SH2B1: variants seen among roughly 807,000 people sequenced by gnomAD.
SH2B1 encodes the protein SH2B adaptor protein 1, also known as SH2B adapter protein 1.
In SH2B1, 15 loss-of-function variants were observed where a neutral mutation model predicts 62.6. That is an observed-to-expected ratio of 0.24 (90% CI 0.16 to 0.37). The LOEUF (loss-of-function observed/expected upper bound fraction) is 0.37, where lower values mean the gene tolerates loss of function less well. Ranked by LOEUF, SH2B1 falls within the 10% of genes least tolerant of loss-of-function variation. SH2B1 has a pLI of 1.00. For missense variants in SH2B1, 925 were observed against 1,015.6 expected (o/e 0.91, Z 1.21); for synonymous variants, 443 against 438.0 (o/e 1.01, Z -0.14).
rs746013064 is a variant in SH2B1, at chr16:28,872,485, C to T, written c.1726-49C>T. 6 of 1,581,774 alleles carry T rather than the reference C, an allele frequency of 3.8e-6. No homozygotes were observed. The highest frequency in any genetic ancestry group is 1.7e-5 in the Admixed American group (1 of 58,836). On this transcript the variant is annotated intron_variant, in intron 6 of 7. Transcript: ENST00000684370. The surrounding 1 kb of genome is among the most constrained non-coding windows in gnomAD (Gnocchi z 5.3). ...GCACTGCCGGGGGAGGGGGTTTGTACCTGGCAGGGCCTTTGCCTCCTACCT... is the reference window on the plus strand; with the variant it reads ...GCACTGCCGGGGGAGGGGGTTTGTATCTGGCAGGGCCTTTGCCTCCTACCT...
rs1180762335 is a variant in SH2B1 at position 28,872,159 on chromosome 16, C to T, written c.1514-31C>T. 1 of 1,596,190 alleles carries T rather than the reference C, an allele frequency of 6.3e-7. No individual in the cohort carries two copies. The highest frequency in any genetic ancestry group is 8.6e-7 in the Non-Finnish European group (1 of 1,167,902). On this transcript the variant is annotated intron_variant, in intron 5 of 7. Transcript: ENST00000684370. This position sits in a 1 kb window ranked among gnomAD's most constrained non-coding sequence, Gnocchi z 5.3. ...AGGATGGGGGAGGCTGCCCTGACAC[C>T]CCGGTTTCCCTCCCTCTCTCCTTCC...
rs1962577505 is a variant in SH2B1 at position 28,864,467 on chromosome 16, C to T, written c.-1628C>T. On this transcript the variant is annotated 5_prime_UTR_variant, in exon 1 of 8. Transcript: ENST00000684370. The stretch of plus-strand genomic sequence containing the variant: ...GGCTGGGTTCCCCCGTGCTCCATGA[C>T]TCCTGCATCTCCTGATTGTTTCTCG... 22 of 985,776 alleles carry T rather than the reference C, an allele frequency of 2.2e-5. No individual in the cohort carries two copies. Among genetic ancestry groups the T allele is most frequent in the Non-Finnish European group, 2.6e-5 (22 of 830,198 alleles). 61.1% of individuals were successfully genotyped at this position (985,776 alleles called of 1,614,324 possible).
chr16:28,872,908 G>GGCCGGA lies in SH2B1; in HGVS notation c.1897+209_1897+214dup, dbSNP rs932313933. ...GGACACAGGAAGGCAGAAGGCTCCT[G>GGCCGGA]GCCGGAGCCGGGGCGGCAGCTGAGA... On this transcript the variant is annotated intron_variant, in intron 7 of 7. Coordinates refer to ENST00000684370, the MANE Select transcript of SH2B1 (RefSeq NM_001387430.1). The surrounding 1 kb of genome is among the most constrained non-coding windows in gnomAD (Gnocchi z 5.3). The GGCCGGA allele has an allele frequency of 1.5e-5, 11 of 738,508 alleles. No individual in the cohort carries two copies. The highest frequency in any genetic ancestry group is 1.4e-4 in the African/African-American group (8 of 56,794). 45.7% of individuals were successfully genotyped at this position (738,508 alleles called of 1,614,324 possible). A position where few individuals can be genotyped will look rare whatever the true frequency, so the allele number is the denominator to read the frequency against.
rs1962621232 is a variant in SH2B1, at chr16:28,865,286, TCTC to T, written c.-806_-804del. ...AGAAGTGGGCTGTAGCTATTTCACA[TCTC>T]CTTCACGCAGTGCGTGGGTGCTGGA... On this transcript the variant is annotated 5_prime_UTR_variant, in exon 1 of 8. Coordinates refer to ENST00000684370, the MANE Select transcript of SH2B1 (RefSeq NM_001387430.1). 5 of 985,644 alleles carry T rather than the reference TCTC, an allele frequency of 5.1e-6. No homozygotes were observed. Among genetic ancestry groups the T allele is most frequent in the Non-Finnish European group, 6.0e-6 (5 of 829,974 alleles). The allele number at this position is 985,644 out of a possible 1,614,324, so 61.1% of individuals were successfully genotyped here. A position where few individuals can be genotyped will look rare whatever the true frequency, so the allele number is the denominator to read the frequency against.
At chr16:28,852,214 A>G in intron 1 of SH2B1, among the ~76,000 whole-genome samples, 1 of 72,668 alleles carries the variant, frequency 1.4e-5, no homozygotes, top group Non-Finnish European at 2.3e-5. Flanking sequence ...TTACATATAT[A>G]TATTTACATA....
In SH2B1 at chr16:28,873,362, T is replaced by C. The variant is rs1334662714; in HGVS notation, c.1898-85T>C. On this transcript the variant is annotated intron_variant, in intron 7 of 7. Transcript: ENST00000684370. The surrounding 1 kb of genome is among the most constrained non-coding windows in gnomAD (Gnocchi z 4.2). ...ATGGGATGTGGGGAGACAGCCACGC[T>C]CCTGGGGGGCTGAGTGAAGGGGAGG... 6.3e-7 allele frequency: 1 copy of C among 1,583,120 alleles called. No individual in the cohort carries two copies. The highest frequency in any genetic ancestry group is 8.5e-7 in the Non-Finnish European group (1 of 1,169,952).
At chr16:28,867,556 C>A (rs1962786123) in intron 2 of SH2B1, 124 bp downstream of exon 2, 1 of 708,202 alleles carries the variant, frequency 1.4e-6, no homozygotes, top group Admixed American at 2.2e-5. Flanking sequence ...GAGAGTGTGT[C>A]CCTGGGGCTG....
rs375992097 is a variant in SH2B1 at position 28,873,632 on chromosome 16, G to A, written c.2083G>A (p.Val695Met). Reference sequence around the variant, plus strand: ...AGGGGTCCCGGAAGAGCTGGTCCCCGTGGTTGAGCTGGTCCCCGTGGTTGA... The same window carrying A: ...AGGGGTCCCGGAAGAGCTGGTCCCCATGGTTGAGCTGGTCCCCGTGGTTGA... ...GGGVPEELVPVVELVPVVELE... is the reference protein window; with the variant it reads ...GGGVPEELVPMVELVPVVELE... The change falls in exon 8 of 8, where the codon GTG becomes ATG. Residue 695 changes from valine (V) to methionine (M), a missense_variant. By Grantham distance (21) the Val-to-Met change is conservative (BLOSUM62 1). Coordinates refer to ENST00000684370, the MANE Select transcript of SH2B1 (RefSeq NM_001387430.1). The surrounding 1 kb of genome is among the most constrained non-coding windows in gnomAD (Gnocchi z 4.2). The A allele has an allele frequency of 1.5e-4, 233 of 1,538,572 alleles. No homozygotes were observed. The highest frequency in any genetic ancestry group is 1.0e-3 in the Middle Eastern group (6 of 5,932).
Position 28,865,859 on chromosome 16 carries a change from T to C in SH2B1, c.-236T>C. 7 of 1,300,450 alleles carry C rather than the reference T, an allele frequency of 5.4e-6. No individual in the cohort carries two copies. Among genetic ancestry groups the C allele is most frequent in the Non-Finnish European group, 6.8e-6 (7 of 1,026,572 alleles). 80.6% of individuals were successfully genotyped at this position (1,300,450 alleles called of 1,614,324 possible). ...GGCTGGGGCCTGCAGGGTGCCAGGA[T>C]CTGGGAGAGGGAAGGGAGGTGTTGG... is the stretch of plus-strand genomic sequence containing the variant. On this transcript the variant is annotated 5_prime_UTR_variant, in exon 1 of 8. Transcript: ENST00000684370.
At position 28,865,571 on chromosome 16, in the gene SH2B1, T is replaced by G. The variant is rs1962639533; in HGVS notation, c.-524T>G. ...TAGACTTGGAGTTCTGAAACTTTTCTGAGCTTCGGTTTCCTCATCTGTTCG... is the reference window on the plus strand; with the variant it reads ...TAGACTTGGAGTTCTGAAACTTTTCGGAGCTTCGGTTTCCTCATCTGTTCG... On this transcript the variant is annotated 5_prime_UTR_variant, in exon 1 of 8. Coordinates refer to ENST00000684370, the MANE Select transcript of SH2B1 (RefSeq NM_001387430.1). 1 of 985,646 alleles carries G rather than the reference T, an allele frequency of 1.0e-6. No homozygotes were observed. Among genetic ancestry groups the G allele is most frequent in the African/African-American group, 1.7e-5 (1 of 57,256 alleles). 61.1% of individuals were successfully genotyped at this position (985,646 alleles called of 1,614,324 possible).
At chr16:28,854,014 A>C (rs1402027594) in intron 1 of SH2B1, among the ~76,000 whole-genome samples, 1 of 150,608 alleles carries the variant, frequency 6.6e-6, no homozygotes, top group Non-Finnish European at 1.5e-5. Context: ...AAAAAAAAAA[A>C]AAAAAAAAAA....
chr16:28,851,248 C>T (rs1025188810), intron 1 of SH2B1, among the ~76,000 whole-genome samples: 17 of 151,468 alleles, frequency 1.1e-4, no homozygotes, highest in Non-Finnish European at 2.2e-4. Flanking sequence ...TACATCTGAA[C>T]GTGGGGCACC....
intron 4 of SH2B1, among the ~76,000 whole-genome samples, chr16:28,870,633 CCTT>C (rs905339892): frequency 2.8e-4 from 42 of 149,684 alleles, no homozygotes; most frequent in South Asian, 2.7e-3. Context: ...ACAAAGGACA[CCTT>C]TTTTTTTTTG....
chr16:28,872,826 C>A lies in SH2B1; in HGVS notation c.1897+121C>A. Reference sequence around the variant, plus strand: ...CAAGGAGAAGCTTTGCTTGGGAGAGCAGGGTAGAGGAGGCTGTTGTGCCTC... The same window carrying A: ...CAAGGAGAAGCTTTGCTTGGGAGAGAAGGGTAGAGGAGGCTGTTGTGCCTC... On this transcript the variant is annotated intron_variant, in intron 7 of 7. Coordinates refer to ENST00000684370, the MANE Select transcript of SH2B1 (RefSeq NM_001387430.1). This position sits in a 1 kb window ranked among gnomAD's most constrained non-coding sequence, Gnocchi z 5.3. 2 of 1,326,698 alleles carry A rather than the reference C, an allele frequency of 1.5e-6. No homozygotes were observed. Among genetic ancestry groups the A allele is most frequent in the East Asian group, 2.5e-5 (1 of 40,250 alleles). The allele number at this position is 1,326,698 out of a possible 1,614,324, so 82.2% of individuals were successfully genotyped here. A position where few individuals can be genotyped will look rare whatever the true frequency, so the allele number is the denominator to read the frequency against.
rs201989715 is a variant in SH2B1, at chr16:28,867,000, A to G, written c.906A>G (p.Gly302=). 784 of 1,601,754 alleles carry G rather than the reference A, an allele frequency of 4.9e-4. 2 individuals carry two copies. The highest frequency in any genetic ancestry group is 6.5e-4 in the Non-Finnish European group (763 of 1,179,932). ...TTCGAAGTGAAGGAGAAGGAGGAGG[A>G]GGAAGTCGCCTGGAGTTCTTTGTAC... The part of the protein sequence containing the change: ...LLLRSEGEGG[G]GSRLEFFVPP... Residue 302 remains glycine, a synonymous_variant, in exon 1 of 8, where the codon GGA becomes GGG. Coordinates refer to ENST00000684370, the MANE Select transcript of SH2B1 (RefSeq NM_001387430.1). The surrounding 1 kb of genome is among the most constrained non-coding windows in gnomAD (Gnocchi z 6.3).
At chr16:28,854,001 C>CAAAAAA (rs59760541) in intron 1 of SH2B1, among the ~76,000 whole-genome samples, 1 of 45,982 alleles carries the variant, frequency 2.2e-5, no homozygotes. Flanking sequence ...GACTAGGTCT[C>CAAAAAA]AAAAAAAAAA....
At chr16:28,869,482 A>G (rs1962915581) in intron 4 of SH2B1, 99 bp downstream of exon 4, 1 of 1,132,504 alleles carries the variant, frequency 8.8e-7, no homozygotes, top group Non-Finnish European at 1.2e-6. Context: ...CTGTGCCCCC[A>G]TCCCTGTTTT....
intron 4 of SH2B1, among the ~76,000 whole-genome samples, chr16:28,871,460 C>T (rs1193787053): frequency 2.6e-5 from 4 of 152,196 alleles, no homozygotes; most frequent in Non-Finnish European, 5.9e-5. Context: ...GACCCCTTCT[C>T]TACAAAAACA....
At chr16:28,868,791 G>A (rs994154279) in intron 2 of SH2B1, among the ~76,000 whole-genome samples, 3 of 151,326 alleles carry the variant, frequency 2.0e-5, no homozygotes, top group African/African-American at 7.3e-5. Context: ...TTTAGAGACA[G>A]GTTCTCACTA....
Sources: gnomAD v4.1 joint callset for allele counts (sites outside exome capture counted in the v4.1 genomes callset) on GRCh38, gnomAD v4.1.1 for gene constraint, Gnocchi (gnomAD v3.1) non-coding constraint, MANE v1.5 for transcripts, NCBI Gene and HGNC (gene_info 2026-07-23, HGNC 2026-07-21) for gene names.